The following ICA1 variants were observed in gnomAD, a reference collection of about 807,000 sequenced individuals.
ICA1 encodes 69 kDa islet cell autoantigen.
Under a neutral mutation model 71.0 loss-of-function variants are expected in ICA1, and 40 were observed. That is an observed-to-expected ratio of 0.56 (90% CI 0.44 to 0.73). The LOEUF is 0.73. ICA1 is among the 30% of genes least tolerant of loss of function. The probability of loss-of-function intolerance (pLI) is 0.00; values close to 1 mark genes in which losing one functional copy is unlikely to be tolerated. For missense variants in ICA1, 578 were observed against 576.5 expected, an observed-to-expected ratio of 1.00 and a Z score of -0.03; for synonymous variants, 207 against 209.5, an observed-to-expected ratio of 0.99 and a Z score of 0.10.
intron 8 of ICA1, among the ~76,000 whole-genome samples, chr7:8,146,457 C>T (rs1359148923): frequency 6.6e-6 from 1 of 152,174 alleles, no homozygotes; most frequent in East Asian, 1.9e-4. Context: ...GCAGGGGTCA[C>T]ATGGGGAGAA....
At chr7:8,134,828 C>A (rs1031567563) in intron 12 of ICA1, among the ~76,000 whole-genome samples, 8 of 151,920 alleles carry the variant, frequency 5.3e-5, no homozygotes, top group Non-Finnish European at 1.0e-4. Flanking sequence ...CTCCTACTCC[C>A]TGAAAAACAA....
chr7:8,199,496 A>C (rs1464793476), intron 6 of ICA1, among the ~76,000 whole-genome samples: 1 of 152,196 alleles, frequency 6.6e-6, no homozygotes, highest in African/African-American at 2.4e-5. Context: ...GGATCACTTG[A>C]GGTCAGGAGT....
intron 4 of ICA1, chr7:8,227,912 AT>A: frequency 2.3e-6 from 1 of 429,108 alleles, no homozygotes. Flanking sequence ...TTAATAAAAT[AT>A]TACTGATGTA....
At position 8,129,376 on chromosome 7, in the gene ICA1, TAAA is replaced by T. The variant is rs1166692977; in HGVS notation, c.1061-1237_1061-1235del. Among the ~76,000 whole-genome samples the T allele has an allele frequency of 7.8e-3, 1,111 of 142,110 alleles. 22 individuals carry two copies. Among genetic ancestry groups the T allele is most frequent in the African/African-American group, 0.028 (1,043 of 37,396 alleles). The allele number at this position is 142,110 out of a possible 152,430, so 93.2% of individuals were successfully genotyped here. The stretch of plus-strand genomic sequence containing the variant: ...AATTAGTAAGTAAAGGCTTTTTTTT[TAAA>T]AAAAAAAAAGTTCTCTGTGTTGGCT... On this transcript the variant is annotated intron_variant, in intron 12 of 13. Transcript: ENST00000402384.
At chr7:8,242,017 G>T (rs907075410) in intron 1 of ICA1, among the ~76,000 whole-genome samples, 2 of 151,992 alleles carry the variant, frequency 1.3e-5, no homozygotes, top group Admixed American at 6.6e-5. Context: ...CGAGACAGAA[G>T]GTTAACAAGG....
At chr7:8,229,626 C>T (rs1799647470) in intron 3 of ICA1, among the ~76,000 whole-genome samples, 1 of 152,212 alleles carries the variant, frequency 6.6e-6, no homozygotes, top group South Asian at 2.1e-4. Context: ...AGCACTTCTA[C>T]ATTTGCGTGA....
intron 6 of ICA1, among the ~76,000 whole-genome samples, chr7:8,201,914 A>G (rs1325832506): frequency 6.6e-6 from 1 of 152,106 alleles, no homozygotes; most frequent in Non-Finnish European, 1.5e-5. Context: ...AGGTTTCAGG[A>G]ACTCACCATG....
At chr7:8,200,718 G>C (rs763448865) in intron 6 of ICA1, among the ~76,000 whole-genome samples, 54 of 152,222 alleles carry the variant, frequency 3.5e-4, no homozygotes, top group Admixed American at 1.4e-3. Context: ...TCAGTATAAT[G>C]AAAGAGTTTC....
chr7:8,204,824 C>T (rs1790942595), intron 6 of ICA1, among the ~76,000 whole-genome samples: 1 of 152,128 alleles, frequency 6.6e-6, no homozygotes, highest in Non-Finnish European at 1.5e-5. Flanking sequence ...ATACTCTTTC[C>T]TATTGTCATC....
chr7:8,152,666 CACCATT>C (rs1436540954), intron 8 of ICA1, among the ~76,000 whole-genome samples: 41 of 144,296 alleles, frequency 2.8e-4, no homozygotes, highest in African/African-American at 9.0e-4. Context: ...CCACCACCAC[CACCATT>C]ATCTCCTTCA....
At chr7:8,145,221 A>C (rs1469579093) in intron 8 of ICA1, among the ~76,000 whole-genome samples, 1 of 152,034 alleles carries the variant, frequency 6.6e-6, no homozygotes, top group Non-Finnish European at 1.5e-5. Flanking sequence ...ATTTCTTTCC[A>C]CTTCTAATAT....
intron 12 of ICA1, among the ~76,000 whole-genome samples, chr7:8,128,680 ACTTC>A (rs1257311580): frequency 6.6e-6 from 1 of 152,120 alleles, no homozygotes; most frequent in Non-Finnish European, 1.5e-5. Flanking sequence ...AGGCATCCTT[ACTTC>A]CTTCCCACTT....
intron 13 of ICA1, among the ~76,000 whole-genome samples, chr7:8,119,608 A>G (rs761610183): frequency 1.2e-4 from 18 of 151,990 alleles, no homozygotes; most frequent in Non-Finnish European, 2.4e-4. Flanking sequence ...CACTTTGGGA[A>G]GCCAAAGCAG....
rs34841775 is a variant in ICA1 at position 8,130,888 on chromosome 7, G to A, written c.1061-2746C>T. ...GACTTTGGTGGTTTTTGCTAACTCA[G>A]CATCCCTTCCCTCTGCTTCTTCAGT... On this transcript the variant is annotated intron_variant, in intron 12 of 13. Coordinates refer to ENST00000402384, the MANE Select transcript of ICA1 (RefSeq NM_001136020.3). The surrounding 1 kb of genome is among the most constrained non-coding windows in gnomAD (Gnocchi z 4.2). 0.019 allele frequency among the ~76,000 whole-genome samples: 2,862 copies of A among 152,286 alleles called. 40 individuals are homozygous for A. Among genetic ancestry groups the A allele is most frequent in the Non-Finnish European group, 0.029 (1,971 of 68,024 alleles).
In ICA1 at chr7:8,123,627, G is replaced by C. The variant is rs1034136049; in HGVS notation, c.1330+4246C>G. On this transcript the variant is annotated intron_variant, in intron 13 of 13. Transcript: ENST00000402384. This position sits in a 1 kb window ranked among gnomAD's most constrained non-coding sequence, Gnocchi z 4.1. ...TTCTATTCTGGAACATCATTCAATT[G>C]TGTGTGGACTTAGCCTCTGTCTCCC... Among the ~76,000 whole-genome samples, 10 of 152,158 alleles carry C rather than the reference G, an allele frequency of 6.6e-5. No individual in the cohort carries two copies. The highest frequency in any genetic ancestry group is 1.7e-4 in the African/African-American group (7 of 41,414).
intron 12 of ICA1, among the ~76,000 whole-genome samples, chr7:8,134,277 A>G (rs1792536879): frequency 1.3e-5 from 2 of 152,182 alleles, no homozygotes; most frequent in African/African-American, 4.8e-5. Flanking sequence ...TGAACCAATG[A>G]GCAATATCTG....
intron 8 of ICA1, among the ~76,000 whole-genome samples, chr7:8,149,943 G>A (rs1364867405): frequency 3.3e-5 from 5 of 152,136 alleles, no homozygotes; most frequent in East Asian, 1.9e-4. Context: ...TAGCACATAC[G>A]TACTCTCTTG....
In ICA1 at chr7:8,128,248, A is replaced by G. The variant is rs539703532; in HGVS notation, c.1061-106T>C. ...GGGAGACTGGTTGATGGCTAGATTT[A>G]AGAAAAATGTCATCAAAATATAAGT... On this transcript the variant is annotated intron_variant, in intron 12 of 13. Coordinates refer to ENST00000402384, the MANE Select transcript of ICA1 (RefSeq NM_001136020.3). 3 of 1,115,320 alleles carry G rather than the reference A, an allele frequency of 2.7e-6. No homozygotes were observed. The African/African-American group carries it at 4.7e-5, about 17-fold the overall frequency. The allele number at this position is 1,115,320 out of a possible 1,614,324, so 69.1% of individuals were successfully genotyped here.
chr7:8,166,946 G>C (rs1806213775), intron 6 of ICA1, among the ~76,000 whole-genome samples: 2 of 152,098 alleles, frequency 1.3e-5, no homozygotes, highest in Admixed American at 6.6e-5. Flanking sequence ...TCTCACACTA[G>C]TCAGAATGGC....
Sources: allele counts gnomAD v4.1 joint callset (sites outside exome capture counted in the v4.1 genomes callset), GRCh38; gene constraint gnomAD v4.1.1; non-coding constraint Gnocchi (gnomAD v3.1); transcripts MANE v1.5; gene names NCBI Gene and HGNC (gene_info 2026-07-23, HGNC 2026-07-21).